VCF2: variants seen among roughly 807,000 people sequenced by gnomAD.
VCF2 encodes the protein VCP nuclear cofactor family member 2.
At chrX:55,152,685 A>G in the VCF2 span, among the ~76,000 whole-genome samples, 4 of 112,297 alleles carry the variant, frequency 3.6e-5, no homozygotes, top group Non-Finnish European at 7.5e-5. Flanking sequence ...ACATCAGGCA[A>G]ACCCACTTCC....
At chrX:55,150,930 T>C in the VCF2 span, among the ~76,000 whole-genome samples, 1 of 112,147 alleles carries the variant, frequency 8.9e-6, no homozygotes, top group Non-Finnish European at 1.9e-5. Flanking sequence ...GAAACATTGT[T>C]TGAAACTCAG....
At chrX:55,160,766 C>A in the VCF2 span, 1 of 1,084,629 alleles carries the variant, frequency 9.2e-7, no homozygotes, top group South Asian at 2.0e-5. Flanking sequence ...CGAGGAAATG[C>A]CAATTTGAAA....
chrX:55,159,283 T>A, the VCF2 span: 1 of 993,141 alleles, frequency 1.0e-6, no homozygotes, highest in Non-Finnish European at 1.4e-6. Flanking sequence ...ATCTTTTGGA[T>A]GCTTAAATTG....
At chrX:55,144,592 G>T in the VCF2 span, among the ~76,000 whole-genome samples, 1 of 34,020 alleles carries the variant, frequency 2.9e-5, no homozygotes, top group Non-Finnish European at 7.8e-5. Flanking sequence ...CCATGAAAAT[G>T]TGTGTGTGTG....
At chrX:55,153,244 G>A in the VCF2 span, among the ~76,000 whole-genome samples, 1 of 112,177 alleles carries the variant, frequency 8.9e-6, no homozygotes, top group African/African-American at 3.2e-5. Context: ...TCTATATTGA[G>A]ACCTGTCTCA....
chrX:55,146,211 T>G, the VCF2 span: 5 of 1,209,594 alleles, frequency 4.1e-6, no homozygotes, highest in Non-Finnish European at 4.5e-6. Flanking sequence ...AAAGTTTGCA[T>G]CGGGTTCAGT....
chrX:55,154,455 G>C, the VCF2 span, among the ~76,000 whole-genome samples: 1 of 112,002 alleles, frequency 8.9e-6, no homozygotes, highest in East Asian at 2.8e-4. Context: ...ATCTGTGCAA[G>C]GCAAATGAAG....
At chrX:55,158,272 C>T in the VCF2 span, among the ~76,000 whole-genome samples, 7 of 111,904 alleles carry the variant, frequency 6.3e-5, no homozygotes, top group African/African-American at 2.3e-4. Context: ...GTTCCTTTAA[C>T]ACTCCACTAG....
At chrX:55,152,957 A>T in the VCF2 span, among the ~76,000 whole-genome samples, 3 of 112,262 alleles carry the variant, frequency 2.7e-5, no homozygotes, top group African/African-American at 9.7e-5. Context: ...CAGATTCACC[A>T]AGCCAGACTA....
chrX:55,146,510 G>A, the VCF2 span, among the ~76,000 whole-genome samples: 1 of 112,086 alleles, frequency 8.9e-6, no homozygotes, highest in Non-Finnish European at 1.9e-5. Flanking sequence ...TTACAGATGA[G>A]GAAACAGATC....
At chrX:55,159,782 T>C in the VCF2 span, among the ~76,000 whole-genome samples, 1 of 112,466 alleles carries the variant, frequency 8.9e-6, no homozygotes. Context: ...AGATTGTGGC[T>C]GATTACTTCC....
the VCF2 span, chrX:55,160,939 G>C: frequency 8.6e-7 from 1 of 1,163,821 alleles, no homozygotes; most frequent in African/African-American, 1.8e-5. Flanking sequence ...CGGGGCACGA[G>C]GCAAGCAGGG....
the VCF2 span, among the ~76,000 whole-genome samples, chrX:55,148,424 A>C: frequency 9.0e-6 from 1 of 110,693 alleles, no homozygotes; most frequent in Non-Finnish European, 1.9e-5. Context: ...GAAACCAGTA[A>C]ATAAGAGCAA....
the VCF2 span, among the ~76,000 whole-genome samples, chrX:55,148,452 T>C: frequency 9.1e-6 from 1 of 110,437 alleles, no homozygotes; most frequent in Non-Finnish European, 1.9e-5. Context: ...AAATGTCTCT[T>C]TCTTTACATA....
chrX:55,157,259 G>T, the VCF2 span, among the ~76,000 whole-genome samples: 2 of 112,651 alleles, frequency 1.8e-5, no homozygotes, highest in African/African-American at 6.5e-5. Context: ...AAGCCGGGGC[G>T]TGGTGGCTGA....
chrX:55,149,653 C>T, the VCF2 span, among the ~76,000 whole-genome samples: 1 of 111,740 alleles, frequency 8.9e-6, no homozygotes, highest in Admixed American at 9.5e-5. Context: ...TGATGCAAGA[C>T]CAGCATCTGG....
chrX:55,144,273 T>C, the VCF2 span, among the ~76,000 whole-genome samples: 1 of 111,081 alleles, frequency 9.0e-6, no homozygotes, highest in Non-Finnish European at 1.9e-5. Flanking sequence ...AATTCAAATA[T>C]CTCATCTTCT....
At chrX:55,157,296 G>A in the VCF2 span, among the ~76,000 whole-genome samples, 1 of 112,308 alleles carries the variant, frequency 8.9e-6, no homozygotes, top group Non-Finnish European at 1.9e-5. Context: ...ACTTTGGGAG[G>A]CCGAGGCGGG....
the VCF2 span, among the ~76,000 whole-genome samples, chrX:55,158,153 C>G: frequency 1.8e-5 from 2 of 111,959 alleles, no homozygotes; most frequent in East Asian, 5.6e-4. Context: ...AGGTAGGTAC[C>G]AAGAAGAGGA....
Sources: gnomAD v4.1 joint callset for allele counts (sites outside exome capture counted in the v4.1 genomes callset) on GRCh38, gnomAD v4.1.1 for gene constraint, MANE v1.5 for transcripts, NCBI Gene and HGNC (gene_info 2026-07-23, HGNC 2026-07-21) for gene names.